The following MRTFB variants were observed in gnomAD, a reference collection of about 807,000 sequenced individuals.
MRTFB encodes myocardin-related transcription factor B.
In MRTFB, 29 loss-of-function variants were observed where a neutral mutation model predicts 104.2. The observed-to-expected ratio is 0.28, with a 90% confidence interval of 0.21 to 0.38. The LOEUF is 0.38. Ranked by LOEUF, MRTFB falls within the 10% of genes least tolerant of loss-of-function variation. MRTFB has a pLI of 1.00. For synonymous variants in MRTFB, 535 were observed against 519.5 expected, an observed-to-expected ratio of 1.03 and a Z score of -0.41; for missense variants, 1,270 against 1,341.6, an observed-to-expected ratio of 0.95 and a Z score of 0.83.
At chr16:14,189,384 T>G (rs1179934002) in intron 3 of MRTFB, among the ~76,000 whole-genome samples, 1 of 152,202 alleles carries the variant, frequency 6.6e-6, no homozygotes. Flanking sequence ...TTTTAAATAT[T>G]GGGTCCTGCA....
intron 3 of MRTFB, among the ~76,000 whole-genome samples, chr16:14,158,637 TAATG>T (rs2038917120): frequency 6.6e-6 from 1 of 152,160 alleles, no homozygotes; most frequent in Admixed American, 6.5e-5. Context: ...ATTTTTTATG[TAATG>T]AATATGGCTA....
intron 15 of MRTFB, among the ~76,000 whole-genome samples, chr16:14,255,245 A>G (rs1017030740): frequency 2.0e-5 from 3 of 152,258 alleles, no homozygotes; most frequent in Non-Finnish European, 4.4e-5. Flanking sequence ...ATTTGAAGAA[A>G]CAATGGCTGA....
intron 2 of MRTFB, among the ~76,000 whole-genome samples, chr16:14,127,635 T>C (rs2037181173): frequency 7.1e-6 from 1 of 141,400 alleles, no homozygotes; most frequent in African/African-American, 2.6e-5. Context: ...AGAGCGAGAC[T>C]CTGTCTCAAA....
chr16:14,129,619 C>T (rs1051936819), intron 2 of MRTFB, among the ~76,000 whole-genome samples: 51 of 152,098 alleles, frequency 3.4e-4, no homozygotes, highest in African/African-American at 1.2e-3. Context: ...AAGGTAATGC[C>T]AGCCTGTTTT....
chr16:14,133,723 C>T (rs532516032), intron 2 of MRTFB, among the ~76,000 whole-genome samples: 70 of 152,150 alleles, frequency 4.6e-4, no homozygotes, highest in African/African-American at 1.6e-3. Flanking sequence ...ACATTTACTT[C>T]TTAGCATTTA....
the MRTFB span, among the ~76,000 whole-genome samples, chr16:14,032,565 A>G: frequency 6.6e-6 from 1 of 151,936 alleles, no homozygotes. Context: ...GAGTTTTGAG[A>G]GCTGTCTTAG....
chr16:14,065,494 T>C, the MRTFB span, among the ~76,000 whole-genome samples: 2 of 152,224 alleles, frequency 1.3e-5, no homozygotes, highest in Non-Finnish European at 2.9e-5. Context: ...TCCAGTACTA[T>C]GCTGAATAGG....
chr16:14,127,066 G>T (rs537820769), intron 2 of MRTFB, among the ~76,000 whole-genome samples: 2 of 152,120 alleles, frequency 1.3e-5, no homozygotes, highest in Non-Finnish European at 2.9e-5. Flanking sequence ...AGGCTTAGGG[G>T]GTTAACTAAC....
intron 3 of MRTFB, chr16:14,152,470 C>G (rs926172605): frequency 1.1e-4 from 17 of 152,010 alleles, no homozygotes; most frequent in African/African-American, 4.1e-4. Flanking sequence ...TGTAAGGTCA[C>G]TAGAGGGGGT....
At chr16:14,201,044 T>C in intron 3 of MRTFB, 1 of 1,517,674 alleles carries the variant, frequency 6.6e-7, no homozygotes, top group Non-Finnish European at 9.0e-7. Context: ...TTGAACCTTT[T>C]AGAGCTTAGT....
Position 14,252,388 on chromosome 16 carries a change from G to T in MRTFB, c.2589G>T (p.Gln863His). The T allele has an allele frequency of 6.2e-7, 1 of 1,613,170 alleles. No individual in the cohort carries two copies. The highest frequency in any genetic ancestry group is 8.5e-7 in the Non-Finnish European group (1 of 1,179,724). The stretch of plus-strand genomic sequence containing the variant: ...AGCCTAGTTCACCCCCGCCACCCCA[G>T]CAATTTGTCGTCCAGCACTCTCTAT... ...PNKPSSPPPPQQFVVQHSLFG... is the reference protein window; with the variant it reads ...PNKPSSPPPPHQFVVQHSLFG... The change falls in exon 15 of 17, where the codon CAG (glutamine) becomes CAT (histidine). Residue 863 changes from glutamine to histidine, a missense_variant. Gln to His is a conservative substitution (Grantham distance 24). Transcript: ENST00000571589.
chr16:14,238,217 C>T (rs770721119), intron 9 of MRTFB, among the ~76,000 whole-genome samples: 16 of 152,008 alleles, frequency 1.1e-4, no homozygotes, highest in Admixed American at 9.8e-4. Context: ...CAACAGTGCA[C>T]GGGATGGGCT....
intron 7 of MRTFB, among the ~76,000 whole-genome samples, chr16:14,218,430 A>G (rs889590022): frequency 6.6e-6 from 1 of 151,780 alleles, no homozygotes; most frequent in Non-Finnish European, 1.5e-5. Context: ...CCTCTGCCTG[A>G]TATTTCTGTT....
the MRTFB span, among the ~76,000 whole-genome samples, chr16:14,011,804 G>A: frequency 6.6e-6 from 1 of 152,296 alleles, no homozygotes; most frequent in East Asian, 1.9e-4. Flanking sequence ...CCCAGAAGGT[G>A]GAGGTTGCAG....
At chr16:14,249,424 A>G (rs1237919645) in intron 13 of MRTFB, among the ~76,000 whole-genome samples, 3 of 152,232 alleles carry the variant, frequency 2.0e-5, no homozygotes, top group African/African-American at 7.2e-5. Context: ...GGAAAAAAAG[A>G]TATGCTGTTC....
At chr16:14,142,569 A>G (rs2038069656) in intron 3 of MRTFB, 1 of 152,220 alleles carries the variant, frequency 6.6e-6, no homozygotes, top group East Asian at 1.9e-4. Flanking sequence ...TCTTTTAAGA[A>G]CCCACATTTA....
At chr16:14,068,963 C>CTTTTTT (rs989515330), upstream of MRTFB, among the ~76,000 whole-genome samples, 98 of 100,174 alleles carry the variant, frequency 9.8e-4, 7 homozygotes, top group African/African-American at 4.0e-3. Flanking sequence ...GATTCTCCAG[C>CTTTTTT]TTTTTTTTTT....
At chr16:14,130,556 G>A (rs1387307521) in intron 2 of MRTFB, among the ~76,000 whole-genome samples, 1 of 152,240 alleles carries the variant, frequency 6.6e-6, no homozygotes, top group Non-Finnish European at 1.5e-5. Context: ...AGACTTGCCA[G>A]TGGTGTATGT....
chr16:14,046,582 C>T, the MRTFB span, among the ~76,000 whole-genome samples: 2 of 152,158 alleles, frequency 1.3e-5, no homozygotes, highest in African/African-American at 4.8e-5. Flanking sequence ...AGGCTTTATG[C>T]ACCCTACCCT....
Sources: gnomAD v4.1 joint callset for allele counts (sites outside exome capture counted in the v4.1 genomes callset) on GRCh38, gnomAD v4.1.1 for gene constraint, MANE v1.5 for transcripts, NCBI Gene and HGNC (gene_info 2026-07-23, HGNC 2026-07-21) for gene names.